GADL1: variants seen among roughly 807,000 people sequenced by gnomAD.
GADL1 encodes the protein GAD like acidic amino acid decarboxylase 1.
Under a neutral mutation model 69.5 loss-of-function variants are expected in GADL1, and 71 were observed. The observed-to-expected ratio is 1.02, with a 90% CI of 0.84 to 1.25. The LOEUF (loss-of-function observed/expected upper bound fraction) is 1.25, where lower values mean the gene tolerates loss of function less well. Ranked by LOEUF, GADL1 falls within the 50% of genes most tolerant of loss-of-function variation. GADL1 has a pLI of 0.00. For synonymous variants in GADL1, 254 were observed against 214.4 expected (o/e 1.18, Z -1.62); for missense variants, 737 against 631.8 (o/e 1.17, Z -1.79).
At chr3:30,771,325 A>G (rs892840927) in intron 14 of GADL1, among the ~76,000 whole-genome samples, 3 of 152,208 alleles carry the variant, frequency 2.0e-5, no homozygotes, top group African/African-American at 4.8e-5. Context: ...ATTAGAATGC[A>G]TGACAAATTG....
At chr3:30,780,928 C>T (rs531008875) in intron 13 of GADL1, among the ~76,000 whole-genome samples, 2 of 152,306 alleles carry the variant, frequency 1.3e-5, no homozygotes, top group Non-Finnish European at 2.9e-5. Context: ...CCTGTCTCTG[C>T]CTCTGTAGCT....
chr3:30,836,677 C>A (rs1459626759), intron 9 of GADL1, among the ~76,000 whole-genome samples: 2 of 151,992 alleles, frequency 1.3e-5, no homozygotes, highest in Admixed American at 6.6e-5. Flanking sequence ...TTGGCAGCCT[C>A]TAAAGGCCAT....
At chr3:30,752,775 G>C (rs1695857383) in intron 14 of GADL1, among the ~76,000 whole-genome samples, 1 of 152,104 alleles carries the variant, frequency 6.6e-6, no homozygotes, top group Non-Finnish European at 1.5e-5. Context: ...GTTAGCATTT[G>C]AGATGTTAAT....
chr3:30,890,137 TACAA>T (rs1268429688), intron 1 of GADL1, among the ~76,000 whole-genome samples: 10 of 152,362 alleles, frequency 6.6e-5, no homozygotes, highest in African/African-American at 1.4e-4. Flanking sequence ...TTTTTACTAT[TACAA>T]ACAGCTTCAA....
intron 14 of GADL1, among the ~76,000 whole-genome samples, chr3:30,761,225 T>C (rs711684): frequency 0.42 from 63,861 of 151,798 alleles, 13,453 homozygotes; most frequent in Non-Finnish European, 0.44. Context: ...TATTGAGAGA[T>C]GTTCTATCGT....
intron 14 of GADL1, among the ~76,000 whole-genome samples, chr3:30,777,116 G>A (rs551841705): frequency 6.6e-6 from 1 of 152,088 alleles, no homozygotes; most frequent in African/African-American, 2.4e-5. Flanking sequence ...GCAGAGACAC[G>A]TCCTTTTGAT....
chr3:30,777,254 A>G (rs1254815181), intron 14 of GADL1, among the ~76,000 whole-genome samples: 3 of 152,150 alleles, frequency 2.0e-5, no homozygotes, highest in African/African-American at 7.2e-5. Context: ...TTGCTTTTAA[A>G]AAAAAAACGT....
chr3:30,794,309 A>C (rs891527810), intron 12 of GADL1, among the ~76,000 whole-genome samples: 1 of 134,936 alleles, frequency 7.4e-6, no homozygotes, highest in Non-Finnish European at 1.6e-5. Flanking sequence ...TTGTTGTTGA[A>C]AAGACTTAGA....
intron 14 of GADL1, among the ~76,000 whole-genome samples, chr3:30,732,726 A>G (rs1042516579): frequency 6.6e-6 from 1 of 152,210 alleles, no homozygotes; most frequent in African/African-American, 2.4e-5. Flanking sequence ...AATTTGTTAT[A>G]TACTCAGTGT....
chr3:30,757,733 G>C (rs1696012925), intron 14 of GADL1, among the ~76,000 whole-genome samples: 1 of 152,040 alleles, frequency 6.6e-6, no homozygotes, highest in Non-Finnish European at 1.5e-5. Context: ...ATTTGAAGGA[G>C]TTCTACAACT....
intron 14 of GADL1, among the ~76,000 whole-genome samples, chr3:30,751,451 T>TC (rs11393840): frequency 0.1 from 15,209 of 151,516 alleles, 869 homozygotes; most frequent in East Asian, 0.23. Context: ...CTTTTATTCC[T>TC]TCGTGTCTTC....
chr3:30,790,211 A>G (rs1013754298), intron 12 of GADL1, among the ~76,000 whole-genome samples: 3 of 152,160 alleles, frequency 2.0e-5, no homozygotes, highest in African/African-American at 4.8e-5. Context: ...AGGAAATTGG[A>G]AAGCCTGAAG....
chr3:30,892,832 A>G (rs1236674311), intron 1 of GADL1, among the ~76,000 whole-genome samples: 1 of 152,162 alleles, frequency 6.6e-6, no homozygotes, highest in Non-Finnish European at 1.5e-5. Context: ...TTTTCAATCC[A>G]TTCTCAAATA....
chr3:30,842,792 A>AACATTC, intron 8 of GADL1, among the ~76,000 whole-genome samples: 2 of 149,830 alleles, frequency 1.3e-5, no homozygotes, highest in African/African-American at 4.9e-5. Flanking sequence ...CCACCAGATA[A>AACATTC]CAATAAAGTT....
intron 14 of GADL1, among the ~76,000 whole-genome samples, chr3:30,744,969 T>A (rs1695680004): frequency 6.6e-6 from 1 of 152,222 alleles, no homozygotes; most frequent in Non-Finnish European, 1.5e-5. Context: ...TAATGTAGCA[T>A]GTTCTACAAC....
At chr3:30,785,383 T>TTTTTAC (rs551107516) in intron 13 of GADL1, among the ~76,000 whole-genome samples, 18,852 of 87,020 alleles carry the variant, frequency 0.22, 3,597 homozygotes, top group African/African-American at 0.49. Flanking sequence ...TTTCTTTTTC[T>TTTTTAC]TTTTTTTTTT....
intron 14 of GADL1, among the ~76,000 whole-genome samples, chr3:30,739,216 G>T (rs138406012): frequency 6.6e-4 from 100 of 152,294 alleles, no homozygotes; most frequent in African/African-American, 2.3e-3. Context: ...AAAGAAGGGA[G>T]CCCATGGCGT....
In GADL1 at chr3:30,854,907, A is replaced by G. The variant is rs1698204229; in HGVS notation, c.338-118T>C. 8 of 604,248 alleles carry G rather than the reference A, an allele frequency of 1.3e-5. No individual in the cohort carries two copies. In the South Asian group the frequency reaches 1.8e-4, roughly 13 times the overall value. 37.4% of individuals were successfully genotyped at this position (604,248 alleles called of 1,614,324 possible). A position where few individuals can be genotyped will look rare whatever the true frequency, so the allele number is the denominator to read the frequency against. On this transcript the variant is annotated intron_variant, in intron 3 of 14. Transcript: ENST00000282538. ...AAGCAGACACACACAGAAGAGTTAT[A>G]TATAACGTAATTCCATTTATATGAC...
chr3:30,755,416 T>G (rs1695944707), intron 14 of GADL1, among the ~76,000 whole-genome samples: 2 of 152,196 alleles, frequency 1.3e-5, no homozygotes, highest in African/African-American at 2.4e-5. Context: ...AGCTAAAAAC[T>G]TCTCTAAGCC....
Sources: allele counts gnomAD v4.1 joint callset (sites outside exome capture counted in the v4.1 genomes callset), GRCh38; gene constraint gnomAD v4.1.1; transcripts MANE v1.5; gene names NCBI Gene and HGNC (gene_info 2026-07-23, HGNC 2026-07-21).